Variants in STX2 observed in about 807,000 individuals in gnomAD.
The protein encoded by STX2 is syntaxin-2.
STX2 carries 27 observed loss-of-function variants against 40.6 expected under a neutral mutation model. The ratio of observed to expected loss-of-function variants is 0.66; its 90% CI spans 0.49 to 0.92. The LOEUF is 0.92. STX2 is among the 40% of genes least tolerant of loss of function. The pLI, the probability that STX2 is intolerant of heterozygous loss-of-function variation, is 0.00. For synonymous variants in STX2, 123 were observed against 119.1 expected (o/e 1.03, Z -0.22); for missense variants, 328 against 366.1 (o/e 0.90, Z 0.85).
chr12:130,806,635 G>C (rs573658811), intron 6 of STX2, among the ~76,000 whole-genome samples: 34 of 152,342 alleles, frequency 2.2e-4, no homozygotes, highest in Admixed American at 5.9e-4. Flanking sequence ...TCTGCTCACA[G>C]ACAAGGAGAG....
At chr12:130,811,218 C>T (rs551365055) in intron 4 of STX2, among the ~76,000 whole-genome samples, 6 of 151,774 alleles carry the variant, frequency 4.0e-5, no homozygotes, top group Non-Finnish European at 8.8e-5. Context: ...ATTAGCCAGG[C>T]GTGGTGGCGG....
At chr12:130,803,106 A>C (rs1951291461) in intron 6 of STX2, among the ~76,000 whole-genome samples, 1 of 152,358 alleles carries the variant, frequency 6.6e-6, no homozygotes, top group East Asian at 1.9e-4. Flanking sequence ...TTCTCAATAA[A>C]GTTGTTGAGA....
intron 2 of STX2, among the ~76,000 whole-genome samples, chr12:130,823,640 C>T (rs1460339514): frequency 1.3e-5 from 2 of 152,216 alleles, no homozygotes; most frequent in East Asian, 1.9e-4. Flanking sequence ...AAGGCAGCTC[C>T]AGGAGGCTTG....
chr12:130,834,347 ACT>A (rs1427464483), intron 1 of STX2, among the ~76,000 whole-genome samples: 5 of 133,106 alleles, frequency 3.8e-5, no homozygotes, highest in African/African-American at 8.7e-5. Flanking sequence ...AGAAAGCGAC[ACT>A]CTGTCTCAAA....
At chr12:130,810,772 G>A (rs1037753792) in intron 4 of STX2, 3 of 152,226 alleles carry the variant, frequency 2.0e-5, no homozygotes, top group African/African-American at 4.8e-5. Context: ...GAGGACCCCA[G>A]GGAACTGACC....
At chr12:130,836,821 C>T (rs991509181) in intron 1 of STX2, among the ~76,000 whole-genome samples, 1 of 152,192 alleles carries the variant, frequency 6.6e-6, no homozygotes, top group Admixed American at 6.5e-5. Context: ...TGAGTGGAAA[C>T]TTCCACGGAT....
intron 4 of STX2, among the ~76,000 whole-genome samples, chr12:130,809,560 T>C (rs1420487034): frequency 6.6e-6 from 1 of 152,252 alleles, no homozygotes; most frequent in Non-Finnish European, 1.5e-5. Flanking sequence ...CTCACGCCTG[T>C]AATCCTAGCA....
chr12:130,806,550 C>G (rs554334909), intron 6 of STX2, among the ~76,000 whole-genome samples: 1 of 152,148 alleles, frequency 6.6e-6, no homozygotes, highest in Non-Finnish European at 1.5e-5. Context: ...CCGAAGAAGG[C>G]GCCATCTCCA....
At position 130,827,257 on chromosome 12, in the gene STX2, T is replaced by C. The variant is rs201551862; in HGVS notation, c.41A>G (p.Asn14Ser). 120 of 1,613,560 alleles carry C rather than the reference T, an allele frequency of 7.4e-5. No homozygotes were observed. The highest frequency in any genetic ancestry group is 7.3e-4 in the Admixed American group (44 of 59,988). ...RLPDLTACRK[N>S]DDGDTVVVVE... is the part of the protein sequence containing the mutation. The stretch of plus-strand genomic sequence containing the variant: ...CACAACAACTGTGTCTCCATCATCA[T>C]TCTTCCTACACTACAATGAAAAATG... Residue 14 changes from asparagine (N) to serine (S), a missense_variant, in exon 2 of 11, where the codon AAT (asparagine) becomes AGT (serine). By Grantham distance (46) the Asn-to-Ser change is conservative. Transcript: ENST00000392373.
Position 130,790,651 on chromosome 12 carries a change from G to C in STX2, c.*1372C>G, listed in dbSNP as rs1468024209. On this transcript the variant is annotated 3_prime_UTR_variant, in exon 11 of 11. Coordinates refer to ENST00000392373, the MANE Select transcript of STX2 (RefSeq NM_194356.4). The stretch of plus-strand genomic sequence containing the variant: ...AACATGTATGTGGATCTGTACAATA[G>C]TTTAAATTTGTAAGAATTACTCCAT... The C allele has an allele frequency of 6.6e-6, 1 of 152,220 alleles. No individual in the cohort carries two copies. Among genetic ancestry groups the C allele is most frequent in the African/African-American group, 2.4e-5 (1 of 41,450 alleles). The allele number at this position is 152,220 out of a possible 1,614,324, so 9.4% of individuals were successfully genotyped here. A position where few individuals can be genotyped will look rare whatever the true frequency, so the allele number is the denominator to read the frequency against.
intron 10 of STX2, among the ~76,000 whole-genome samples, chr12:130,794,735 A>G (rs1950978161): frequency 6.6e-6 from 1 of 152,174 alleles, no homozygotes; most frequent in Non-Finnish European, 1.5e-5. Flanking sequence ...TAAAGATTAC[A>G]AAGCAATAGT....
intron 10 of STX2, 60 bp downstream of exon 10, chr12:130,795,935 A>C: frequency 6.5e-7 from 1 of 1,538,712 alleles, no homozygotes; most frequent in Non-Finnish European, 8.7e-7. Context: ...ACAATTAAGC[A>C]AATACTATTA....
chr12:130,825,508 A>C (rs1236826874), intron 2 of STX2, among the ~76,000 whole-genome samples: 1 of 152,242 alleles, frequency 6.6e-6, no homozygotes, highest in South Asian at 2.1e-4. Flanking sequence ...GACAATTTAA[A>C]AAGTCTCATT....
intron 10 of STX2, among the ~76,000 whole-genome samples, chr12:130,793,160 G>A (rs893319159): frequency 6.6e-6 from 1 of 152,140 alleles, no homozygotes; most frequent in Non-Finnish European, 1.5e-5. Flanking sequence ...ATCAAGAGGC[G>A]CATGGCAGGC....
chr12:130,831,705 T>C (rs1952565922), intron 1 of STX2, among the ~76,000 whole-genome samples: 1 of 152,164 alleles, frequency 6.6e-6, no homozygotes, highest in Admixed American at 6.5e-5. Flanking sequence ...CGTAACCTAC[T>C]TTCTCATATT....
rs559062575 is a variant in STX2 at position 130,814,465 on chromosome 12, G to A, written c.206-1434C>T. 8.6e-5 allele frequency among the ~76,000 whole-genome samples: 13 copies of A among 151,974 alleles called. 1 individual carries two copies. The highest frequency in any genetic ancestry group is 1.3e-4 in the Admixed American group (2 of 15,258). On this transcript the variant is annotated intron_variant, in intron 3 of 10. Coordinates refer to ENST00000392373, the MANE Select transcript of STX2 (RefSeq NM_194356.4). ...AGAAGGGTCTATGGCACAGAGCAGC[G>A]GGACGGTGGGCTGTAGTGACTGGCG...
chr12:130,812,058 G>A (rs1951679907), intron 4 of STX2: 1 of 247,328 alleles, frequency 4.0e-6, no homozygotes, highest in Non-Finnish European at 8.0e-6. Flanking sequence ...TAGGACAAAT[G>A]ACCTGGTTTC....
intron 1 of STX2, among the ~76,000 whole-genome samples, chr12:130,835,364 TCTA>T (rs1952723201): frequency 6.6e-6 from 1 of 152,186 alleles, no homozygotes; most frequent in Admixed American, 6.5e-5. Context: ...TTCTTTTAGG[TCTA>T]CTAAGAACAC....
chr12:130,816,959 C>T (rs1351384226), intron 3 of STX2, among the ~76,000 whole-genome samples: 1 of 152,294 alleles, frequency 6.6e-6, no homozygotes, highest in East Asian at 1.9e-4. Flanking sequence ...AAAATTAGAT[C>T]CAGAATTGCT....
Sources: gnomAD v4.1 joint callset for allele counts (sites outside exome capture counted in the v4.1 genomes callset) on GRCh38, gnomAD v4.1.1 for gene constraint, MANE v1.5 for transcripts, NCBI Gene and HGNC (gene_info 2026-07-23, HGNC 2026-07-21) for gene names.